The following ANXA4 variants were observed in gnomAD, a reference collection of about 807,000 sequenced individuals.
ANXA4 encodes the protein 35-beta calcimedin.
A neutral mutation model predicts 49.8 loss-of-function variants in ANXA4; 39 were observed. The observed-to-expected ratio is 0.78, with a 90% CI of 0.61 to 1.02. The LOEUF (loss-of-function observed/expected upper bound fraction) is 1.02, where lower values mean the gene tolerates loss of function less well. Among genes scored for constraint, ANXA4 ranks in the 50% least tolerant of loss-of-function variants. The pLI is 0.00. For synonymous variants in ANXA4, 134 were observed against 152.5 expected (o/e 0.88, Z 0.89); for missense variants, 360 against 410.1 (o/e 0.88, Z 1.05).
rs758385248 is a variant in ANXA4 at position 69,820,723 on chromosome 2, C to T, written c.808C>T (p.Leu270Phe). ...MKGLGTDDNTLIRVMVSRAEI... is the reference protein window; with the variant it reads ...MKGLGTDDNTFIRVMVSRAEI... The stretch of plus-strand genomic sequence containing the variant: ...GGGCTTGGGCACCGATGATAACACC[C>T]TCATCAGAGTGATGGTTTCTCGAGC... Residue 270 changes from leucine to phenylalanine, a missense_variant, in exon 12 of 13, where the codon CTC (leucine) becomes TTC (phenylalanine). By Grantham distance (22) the Leu-to-Phe change is conservative. Transcript: ENST00000394295. 15 of 1,614,070 alleles carry T rather than the reference C, an allele frequency of 9.3e-6. No individual in the cohort carries two copies. The highest frequency in any genetic ancestry group is 2.2e-5 in the East Asian group (1 of 44,882).
chr2:69,760,532 A>G (rs779002355), intron 1 of ANXA4, among the ~76,000 whole-genome samples: 5 of 152,222 alleles, frequency 3.3e-5, no homozygotes, highest in Non-Finnish European at 7.3e-5. Flanking sequence ...AGGATACCTA[A>G]TAGTTTCCTA....
chr2:69,716,225 G>A (rs1161383699), intron 2 of ANXA4, among the ~76,000 whole-genome samples: 1 of 152,132 alleles, frequency 6.6e-6, no homozygotes, highest in Non-Finnish European at 1.5e-5. Context: ...CCATTCCTGT[G>A]GTGGCTCTGT....
At chr2:69,738,076 A>G (rs1228059411), upstream of ANXA4, among the ~76,000 whole-genome samples, 1 of 152,220 alleles carries the variant, frequency 6.6e-6, no homozygotes, top group Non-Finnish European at 1.5e-5. Context: ...CTTATAGTAC[A>G]TAAGTATTTT....
chr2:69,820,719 C>T lies in ANXA4; in HGVS notation c.804C>T (p.Asn268=). Residue 268 remains asparagine, a synonymous_variant, in exon 12 of 13, where the codon AAC becomes AAT. Transcript: ENST00000394295. ...CTTAGGGCTTGGGCACCGATGATAA[C>T]ACCCTCATCAGAGTGATGGTTTCTC... ...KSMKGLGTDD[N]TLIRVMVSRA... The T allele has an allele frequency of 6.2e-7, 1 of 1,614,108 alleles. No individual in the cohort carries two copies. Among genetic ancestry groups the T allele is most frequent in the African/African-American group, 1.3e-5 (1 of 75,032 alleles).
intron 2 of ANXA4, among the ~76,000 whole-genome samples, chr2:69,663,863 C>T (rs541032794): frequency 1.3e-5 from 2 of 152,226 alleles, no homozygotes; most frequent in South Asian, 4.2e-4. Context: ...AAAGCCAGCC[C>T]TGGACATCTG....
intron 2 of ANXA4, among the ~76,000 whole-genome samples, chr2:69,702,076 A>G (rs1410161629): frequency 6.6e-6 from 1 of 152,058 alleles, no homozygotes; most frequent in Non-Finnish European, 1.5e-5. Flanking sequence ...CAGTGGCGCG[A>G]TCTCAGCTCA....
intron 2 of ANXA4, among the ~76,000 whole-genome samples, chr2:69,662,247 A>G (rs1676749771): frequency 6.6e-6 from 1 of 152,182 alleles, no homozygotes; most frequent in African/African-American, 2.4e-5. Context: ...TGGCAGGCTC[A>G]GGGTCAGATT....
At chr2:69,762,561 G>A (rs900938086) in intron 1 of ANXA4, among the ~76,000 whole-genome samples, 24 of 152,214 alleles carry the variant, frequency 1.6e-4, no homozygotes, top group Non-Finnish European at 2.5e-4. Context: ...TGTCACAAAT[G>A]CCTGGTTCTC....
intron 12 of ANXA4, among the ~76,000 whole-genome samples, chr2:69,821,760 G>A (rs1490206400): frequency 6.6e-6 from 1 of 152,108 alleles, no homozygotes; most frequent in African/African-American, 2.4e-5. Flanking sequence ...CCAAGCTGTG[G>A]ATTTTGTTAC....
intron 2 of ANXA4, among the ~76,000 whole-genome samples, chr2:69,678,585 C>T (rs1011719320): frequency 2.6e-5 from 4 of 151,674 alleles, no homozygotes; most frequent in African/African-American, 4.8e-5. Flanking sequence ...TTTGTAGAGA[C>T]TGGGTTTTGC....
chr2:69,797,089 G>C (rs891668862), intron 3 of ANXA4, among the ~76,000 whole-genome samples: 3 of 152,140 alleles, frequency 2.0e-5, no homozygotes, highest in African/African-American at 7.2e-5. Flanking sequence ...AAAAGAAAAT[G>C]AGCTGCTTTT....
Position 69,788,070 on chromosome 2 carries a change from C to T in ANXA4, c.26C>T (p.Thr9Ile), listed in dbSNP as rs1559195335. The T allele has an allele frequency of 6.2e-7, 1 of 1,613,906 alleles. No homozygotes were observed. Residue 9 changes from threonine to isoleucine, a missense_variant, in exon 3 of 13, where the codon ACT (threonine) becomes ATT (isoleucine). Physicochemically the swap from Thr to Ile is moderately conservative, Grantham distance 89. Coordinates refer to ENST00000394295, the MANE Select transcript of ANXA4 (RefSeq NM_001153.5). MAMATKGG[T>I]VKAASGFNAM... ...TGTGCTCAGGCAACCAAAGGAGGTA[C>T]TGTCAAAGCTGCTTCAGGATTCAAT...
At position 69,824,504 on chromosome 2, in the gene ANXA4, G is replaced by GAA. The variant is rs70954363; in HGVS notation, c.907-936_907-935dup. On this transcript the variant is annotated intron_variant, in intron 12 of 12. Coordinates refer to ENST00000394295, the MANE Select transcript of ANXA4 (RefSeq NM_001153.5). ...GGCCACAGAACGAGACTCCGTCTCA[G>GAA]AAAAAAAAAAAAAAAAAGGTTTAAG... 1.3e-3 allele frequency among the ~76,000 whole-genome samples: 112 copies of GAA among 84,812 alleles called. No homozygotes were observed. In the Middle Eastern group the frequency reaches 0.025, roughly 19 times the overall value. 55.6% of individuals were successfully genotyped at this position (84,812 alleles called of 152,430 possible).
chr2:69,686,866 CA>C (rs1166448514), intron 2 of ANXA4, among the ~76,000 whole-genome samples: 1 of 152,224 alleles, frequency 6.6e-6, no homozygotes, highest in East Asian at 1.9e-4. Flanking sequence ...CCATGGTAAC[CA>C]GAAATGCAGT....
At chr2:69,729,291 AG>A (rs1263662514) in intron 3 of ANXA4, among the ~76,000 whole-genome samples, 1 of 152,228 alleles carries the variant, frequency 6.6e-6, no homozygotes, top group African/African-American at 2.4e-5. Flanking sequence ...CTGGGATTAC[AG>A]GTGTGAGCCA....
chr2:69,691,236 G>A (rs527612447), intron 2 of ANXA4, among the ~76,000 whole-genome samples: 65 of 151,626 alleles, frequency 4.3e-4, no homozygotes, highest in African/African-American at 1.5e-3. Context: ...TGATTCTCCT[G>A]CCTCAGCCTC....
chr2:69,648,980 G>A (rs532365614), intron 1 of ANXA4, among the ~76,000 whole-genome samples: 38 of 146,840 alleles, frequency 2.6e-4, no homozygotes, highest in African/African-American at 9.3e-4. Flanking sequence ...CCGCCTCCCA[G>A]GTTCAAGCGA....
chr2:69,775,956 TTTTATTTTA>T (rs1257439895), intron 1 of ANXA4, among the ~76,000 whole-genome samples: 18 of 134,362 alleles, frequency 1.3e-4, no homozygotes, highest in African/African-American at 2.9e-4. Context: ...TTTTATTTAT[TTTTATTTTA>T]TTTATTTATT....
chr2:69,759,792 A>T (rs1671200058), intron 1 of ANXA4, among the ~76,000 whole-genome samples: 2 of 152,194 alleles, frequency 1.3e-5, no homozygotes, highest in African/African-American at 2.4e-5. Flanking sequence ...TTTAAAATTT[A>T]AAATTAAATA....
Sources: allele counts gnomAD v4.1 joint callset (sites outside exome capture counted in the v4.1 genomes callset), GRCh38; gene constraint gnomAD v4.1.1; transcripts MANE v1.5; gene names NCBI Gene and HGNC (gene_info 2026-07-23, HGNC 2026-07-21).